Variants in OPA3 observed in about 807,000 individuals in gnomAD.
OPA3 encodes the protein outer mitochondrial membrane lipid metabolism regulator OPA3.
Under a neutral mutation model 4.0 loss-of-function variants are expected in OPA3, and 6 were observed. The observed-to-expected ratio is 1.51, with a 90% CI of 0.83 to 2.99. The LOEUF is 2.99. Ranked by LOEUF, OPA3 falls within the 30% of genes most tolerant of loss-of-function variation. The pLI is 0.00. For synonymous variants in OPA3, 105 were observed against 117.1 expected (o/e 0.90, Z 0.67); for missense variants, 235 against 256.2 (o/e 0.92, Z 0.56).
rs146349367 is a variant in OPA3 at position 45,553,718 on chromosome 19, C to T, written c.336G>A (p.Glu112=). The part of the protein sequence containing the change: ...WRHQAQQRHK[E]EEQRAAWNAL... Reference sequence around the variant, plus strand: ...CGTTCCAGGCAGCACGCTGCTCCTCCTCCTTGTGGCGCTGCTGCGCCTGGT... The same window carrying T: ...CGTTCCAGGCAGCACGCTGCTCCTCTTCCTTGTGGCGCTGCTGCGCCTGGT... Residue 112 remains glutamate, a synonymous_variant, in exon 2 of 2, where the codon GAG becomes GAA. Transcript: ENST00000263275. 1.9e-5 allele frequency: 30 copies of T among 1,609,652 alleles called. No homozygotes were observed. Among genetic ancestry groups the T allele is most frequent in the Non-Finnish European group, 2.5e-5 (29 of 1,179,440 alleles).
At chr19:45,584,567 ACCTGACAGGGGTTG>A in intron 1 of OPA3, 42 bp downstream of exon 1, 1 of 1,612,974 alleles carries the variant, frequency 6.2e-7, no homozygotes, top group Non-Finnish European at 8.5e-7. Flanking sequence ...CTAAGCAACC[ACCTGACAGGGGTTG>A]GAGAAAGGAA....
chr19:45,552,257 G>T lies in OPA3; in HGVS notation c.*1257C>A. 1.0e-6 allele frequency: 1 copy of T among 964,296 alleles called. No homozygotes were observed. The highest frequency in any genetic ancestry group is 1.2e-6 in the Non-Finnish European group (1 of 810,752). The allele number at this position is 964,296 out of a possible 1,614,324, so 59.7% of individuals were successfully genotyped here. ...GGAGTTTTGCTCGTTACCCAGGCTG[G>T]CATGCAATTGCGCAATCTCGGCTCA... On this transcript the variant is annotated 3_prime_UTR_variant, in exon 2 of 2. Transcript: ENST00000263275.
intron 1 of OPA3, among the ~76,000 whole-genome samples, chr19:45,531,188 T>A (rs1969057760): frequency 6.6e-6 from 1 of 151,820 alleles, no homozygotes; most frequent in African/African-American, 2.4e-5. Context: ...AATATGGAGG[T>A]TATGGAAATA....
chr19:45,574,267 C>A (rs941964875), intron 1 of OPA3, among the ~76,000 whole-genome samples: 7 of 151,852 alleles, frequency 4.6e-5, no homozygotes, highest in Non-Finnish European at 7.4e-5. Context: ...TGGTGGCGGG[C>A]GCCTGTAGTC....
intron 1 of OPA3, among the ~76,000 whole-genome samples, chr19:45,583,744 C>T (rs1359162030): frequency 2.0e-5 from 3 of 147,666 alleles, no homozygotes; most frequent in African/African-American, 7.5e-5. Flanking sequence ...TCATGTGATC[C>T]GCCCGCCTCG....
rs1408099284 is a variant in OPA3, at chr19:45,550,082, T to C, written c.*3432A>G. The C allele has an allele frequency of 1.8e-6, 1 of 551,864 alleles. No homozygotes were observed. The highest frequency in any genetic ancestry group is 2.0e-5 in the African/African-American group (1 of 48,822). The allele number at this position is 551,864 out of a possible 1,614,324, so 34.2% of individuals were successfully genotyped here. A position where few individuals can be genotyped will look rare whatever the true frequency, so the allele number is the denominator to read the frequency against. On this transcript the variant is annotated 3_prime_UTR_variant, in exon 2 of 2. Transcript: ENST00000263275. ...CTGAGGCAGGATCATTGGTTGAGCC[T>C]GGGAGGTAGAAGTTGCAGTGAGCCG...
At chr19:45,559,331 T>C (rs1260091906) in intron 1 of OPA3, among the ~76,000 whole-genome samples, 2 of 151,806 alleles carry the variant, frequency 1.3e-5, no homozygotes, top group Non-Finnish European at 2.9e-5. Context: ...ATATGGACAA[T>C]GGTCTTTCTT....
chr19:45,553,890 C>G lies in OPA3; in HGVS notation c.164G>C (p.Arg55Pro), dbSNP rs755008161. 3 of 1,609,162 alleles carry G rather than the reference C, an allele frequency of 1.9e-6. No homozygotes were observed. In the Admixed American group the frequency reaches 5.0e-5, roughly 27 times the overall value. The change falls in exon 2 of 2, where the codon CGG becomes CCG. Residue 55 changes from arginine to proline, a missense_variant. Coordinates refer to ENST00000263275, the MANE Select transcript of OPA3 (RefSeq NM_025136.4). Reference protein sequence around the residue: ...PAQLYHWVEMRTKMRIMGFRG... With the variant: ...PAQLYHWVEMPTKMRIMGFRG... ...GAAGCCCATGATGCGCATCTTGGTC[C>G]GCATCTCCACCCAGTGATACACTGC...
chr19:45,551,850 T>TG lies in OPA3; in HGVS notation c.*1663dup. The TG allele has an allele frequency of 1.0e-6, 1 of 985,338 alleles. No homozygotes were observed. Among genetic ancestry groups the TG allele is most frequent in the Non-Finnish European group, 1.2e-6 (1 of 829,992 alleles). 61.0% of individuals were successfully genotyped at this position (985,338 alleles called of 1,614,324 possible). Reference sequence around the variant, plus strand: ...GAGCACACAGATTAGGAGACACGGATGGAAGATGAAGGATGTGACAATTGA... The same window carrying TG: ...GAGCACACAGATTAGGAGACACGGATGGGAAGATGAAGGATGTGACAATTGA... On this transcript the variant is annotated 3_prime_UTR_variant, in exon 2 of 2. Transcript: ENST00000263275.
In OPA3 at chr19:45,549,563, C is replaced by G. The variant is rs934350700; in HGVS notation, c.*3951G>C. 18 of 887,356 alleles carry G rather than the reference C, an allele frequency of 2.0e-5. No individual in the cohort carries two copies. The highest frequency in any genetic ancestry group is 2.4e-5 in the Non-Finnish European group (18 of 740,604). The allele number at this position is 887,356 out of a possible 1,614,324, so 55.0% of individuals were successfully genotyped here. A position where few individuals can be genotyped will look rare whatever the true frequency, so the allele number is the denominator to read the frequency against. On this transcript the variant is annotated 3_prime_UTR_variant, in exon 2 of 2. Coordinates refer to ENST00000263275, the MANE Select transcript of OPA3 (RefSeq NM_025136.4). ...TGGCGCGATCTCAGCTCACTGCAAC[C>G]TCCACCTCCTGGGTTCAAGCAATTC...
rs375580763 is a variant in OPA3, at chr19:45,529,057, T to C, written c.542A>G (p.Ter181TrpextTer10). 1 of 1,599,738 alleles carries C rather than the reference T, an allele frequency of 6.3e-7. No homozygotes were observed. Among genetic ancestry groups the C allele is most frequent in the Non-Finnish European group, 8.5e-7 (1 of 1,173,006 alleles). The change falls in exon 2 of 2, where the codon TAG becomes TGG. Residue 181 changes from the stop codon to tryptophan, a stop_lost. Transcript: ENST00000323060. The stretch of plus-strand genomic sequence containing the variant: ...CCAAGACCAGGGCCCCGAGACCTCC[T>C]ATTTCTCGGACGCCGGCGCAACTGG...
intron 1 of OPA3, among the ~76,000 whole-genome samples, chr19:45,537,396 C>CAAAAAAAAA (rs1181396046): frequency 1.3e-3 from 37 of 28,888 alleles, no homozygotes; most frequent in East Asian, 1.6e-3. Context: ...GACTCTGTCT[C>CAAAAAAAAA]AAAAAAAAAA....
chr19:45,577,338 G>C (rs1019054941), intron 1 of OPA3, among the ~76,000 whole-genome samples: 1 of 152,220 alleles, frequency 6.6e-6, no homozygotes, highest in African/African-American at 2.4e-5. Context: ...GTCAGCTCAG[G>C]ACGCCTGACC....
intron 1 of OPA3, among the ~76,000 whole-genome samples, chr19:45,531,187 G>A (rs752362882): frequency 6.6e-6 from 1 of 151,886 alleles, no homozygotes; most frequent in Non-Finnish European, 1.5e-5. Context: ...AAATATGGAG[G>A]TTATGGAAAT....
chr19:45,561,752 C>T (rs1252630284), intron 1 of OPA3, among the ~76,000 whole-genome samples: 1 of 151,854 alleles, frequency 6.6e-6, no homozygotes, highest in African/African-American at 2.4e-5. Context: ...ACCAGCCTGA[C>T]CAATATGGTG....
downstream of OPA3, among the ~76,000 whole-genome samples, chr19:45,542,966 C>T (rs1459718229): frequency 2.0e-5 from 3 of 151,812 alleles, no homozygotes; most frequent in Non-Finnish European, 4.4e-5. Flanking sequence ...CTATCATGCC[C>T]AGCGCGTGAC....
intron 1 of OPA3, among the ~76,000 whole-genome samples, chr19:45,556,660 T>C (rs1453527191): frequency 6.6e-6 from 1 of 152,176 alleles, no homozygotes; most frequent in Non-Finnish European, 1.5e-5. Context: ...GCCCAGCCAC[T>C]ACACATTTTT....
At chr19:45,535,398 G>A (rs962801930) in intron 1 of OPA3, among the ~76,000 whole-genome samples, 1 of 138,380 alleles carries the variant, frequency 7.2e-6, no homozygotes, top group Non-Finnish European at 1.5e-5. Context: ...TTGAGATAAG[G>A]TCTCATTCTG....
intron 1 of OPA3, among the ~76,000 whole-genome samples, chr19:45,577,033 C>T (rs186955040): frequency 1.3e-5 from 2 of 152,342 alleles, no homozygotes. Context: ...CCAGAGATAT[C>T]TCACAGCCTC....
Sources: allele counts gnomAD v4.1 joint callset (sites outside exome capture counted in the v4.1 genomes callset), GRCh38; gene constraint gnomAD v4.1.1; transcripts MANE v1.5; gene names NCBI Gene and HGNC (gene_info 2026-07-23, HGNC 2026-07-21).